Variants in SPAG6 observed in about 807,000 individuals in gnomAD.
The protein encoded by SPAG6 is sperm associated antigen 6.
SPAG6 carries 49 observed loss-of-function variants against 58.5 expected under a neutral mutation model. The observed-to-expected ratio is 0.84, with a 90% CI of 0.67 to 1.06. The LOEUF is 1.06. SPAG6 is among the 50% of genes least tolerant of loss of function. The pLI is 0.00. For missense variants in SPAG6, 560 were observed against 611.3 expected (o/e 0.92, Z 0.89); for synonymous variants, 233 against 225.6 (o/e 1.03, Z -0.29).
chr10:22,346,401 C>T (rs1413746141), intron 2 of SPAG6, among the ~76,000 whole-genome samples: 1 of 150,692 alleles, frequency 6.6e-6, no homozygotes, highest in Admixed American at 6.6e-5. Context: ...ATCTTCTTAT[C>T]TCATAACATA....
rs749314179 is a variant in SPAG6, at chr10:22,411,205, AT to A, written c.1460+30del. On this transcript the variant is annotated intron_variant, in intron 10 of 10. Coordinates refer to ENST00000376624, the MANE Select transcript of SPAG6 (RefSeq NM_012443.4). The stretch of plus-strand genomic sequence containing the variant: ...GGGAAAATGGACTTTGAAACGTTCA[AT>A]ATTAGAATGTAGTTTTTCTGTTTTC... 2.5e-5 allele frequency: 40 copies of A among 1,569,416 alleles called. No homozygotes were observed. In the South Asian group the frequency reaches 4.7e-4, roughly 19 times the overall value.
At position 22,386,975 on chromosome 10, in the gene SPAG6, G is replaced by A. The variant is rs766771467; in HGVS notation, c.678+16G>A. ...TAAATTGAAGGTATTTCAAAATAAGGTTGAAAAATACATCAGCCTTCTTAT... is the reference window on the plus strand; with the variant it reads ...TAAATTGAAGGTATTTCAAAATAAGATTGAAAAATACATCAGCCTTCTTAT... On this transcript the variant is annotated intron_variant, in intron 5 of 10. Transcript: ENST00000376624. 6 of 1,590,432 alleles carry A rather than the reference G, an allele frequency of 3.8e-6. No individual in the cohort carries two copies. Among genetic ancestry groups the A allele is most frequent in the Non-Finnish European group, 5.2e-6 (6 of 1,160,010 alleles).
chr10:22,346,474 T>TCTTCTTCTTCTG (rs1836545318), intron 2 of SPAG6, among the ~76,000 whole-genome samples: 1 of 141,526 alleles, frequency 7.1e-6, no homozygotes, highest in Admixed American at 6.8e-5. Context: ...TTCTTCTTCT[T>TCTTCTTCTTCTG]CTTCTTCTTC....
chr10:22,401,590 C>T (rs367697719), intron 9 of SPAG6, among the ~76,000 whole-genome samples: 1 of 152,032 alleles, frequency 6.6e-6, no homozygotes, highest in African/African-American at 2.4e-5. Flanking sequence ...TTTCATTTCA[C>T]TCACCTGGGA....
At chr10:22,355,259 T>G (rs1452503423) in intron 2 of SPAG6, among the ~76,000 whole-genome samples, 1 of 152,170 alleles carries the variant, frequency 6.6e-6, no homozygotes, top group Non-Finnish European at 1.5e-5. Flanking sequence ...TGGATTGTAA[T>G]GAGGGTTACA....
intron 9 of SPAG6, among the ~76,000 whole-genome samples, chr10:22,403,141 A>G (rs938657464): frequency 6.6e-6 from 1 of 151,794 alleles, no homozygotes; most frequent in South Asian, 2.1e-4. Context: ...TTTTAAATTT[A>G]TTATTATTAT....
intron 2 of SPAG6, among the ~76,000 whole-genome samples, chr10:22,346,437 T>TTCTTCTTCTTCC (rs1836536037): frequency 8.9e-6 from 1 of 112,378 alleles, no homozygotes; most frequent in African/African-American, 4.1e-5. Context: ...ATGGTTCTTC[T>TTCTTCTTCTTCC]TCTTCTTCTT....
At position 22,412,441 on chromosome 10, in the gene SPAG6, C is replaced by G. The variant is rs1834764005; in HGVS notation, c.1460+1265C>G. On this transcript the variant is annotated intron_variant, in intron 10 of 10. Transcript: ENST00000376624. Reference sequence around the variant, plus strand: ...TTGTTTTCTATCCACATATTTTTACCCAGTAAATTCTTTCCAGAGTTGCAA... The same window carrying G: ...TTGTTTTCTATCCACATATTTTTACGCAGTAAATTCTTTCCAGAGTTGCAA... 3 of 1,502,336 alleles carry G rather than the reference C, an allele frequency of 2.0e-6. No individual in the cohort carries two copies. The African/African-American group carries it at 4.2e-5, about 21-fold the overall frequency. 93.1% of individuals were successfully genotyped at this position (1,502,336 alleles called of 1,614,324 possible).
Position 22,345,856 on chromosome 10 carries a change from A to C in SPAG6, c.121+38A>C. On this transcript the variant is annotated intron_variant, in intron 2 of 10. Transcript: ENST00000376624. The surrounding 1 kb of genome is among the most constrained non-coding windows in gnomAD (Gnocchi z 6.3). ...CCCGAACCCCCGTCGCCCCCCGCGC[A>C]CTGAGTCCCCGACGCCTCCGCCCCG... is the stretch of plus-strand genomic sequence containing the variant. The C allele has an allele frequency of 6.3e-7, 1 of 1,595,210 alleles. No individual in the cohort carries two copies. The highest frequency in any genetic ancestry group is 2.4e-5 in the East Asian group (1 of 42,378).
At chr10:22,413,066 C>CAAAA (rs775680159) in intron 10 of SPAG6, 2,282 of 43,200 alleles carry the variant, frequency 0.053, 314 homozygotes, top group African/African-American at 0.18. Flanking sequence ...CAGAAAGATG[C>CAAAA]AAAAAAAAAA....
intron 9 of SPAG6, among the ~76,000 whole-genome samples, chr10:22,405,512 TTTGATGTGC>T (rs1834529561): frequency 6.7e-6 from 1 of 149,706 alleles, no homozygotes; most frequent in Non-Finnish European, 1.5e-5. Flanking sequence ...GGATAAGCTT[TTTGATGTGC>T]TGCTGGATTC....
chr10:22,361,599 G>A (rs1342912600), intron 2 of SPAG6, among the ~76,000 whole-genome samples: 3 of 152,142 alleles, frequency 2.0e-5, no homozygotes, highest in African/African-American at 4.8e-5. Context: ...AAATGGCTGA[G>A]GCAGAAGAAT....
Position 22,386,757 on chromosome 10 carries a change from T to C in SPAG6, c.476T>C (p.Leu159Pro), listed in dbSNP as rs200198393. The C allele has an allele frequency of 6.2e-7, 1 of 1,612,872 alleles. No homozygotes were observed. The highest frequency in any genetic ancestry group is 8.5e-7 in the Non-Finnish European group (1 of 1,178,956). ...LRYIARHNAE[L>P]SQAVVDAGAV... is the part of the protein sequence containing the mutation. ...ATTACTTTTCTTGGACCCACAGAAC[T>C]GTCACAAGCTGTGGTGGATGCAGGA... Residue 159 changes from leucine (L) to proline (P), a missense_variant, in exon 5 of 11, where the codon CTG becomes CCG. Leu to Pro is a moderately conservative substitution (Grantham distance 98, BLOSUM62 -3). Transcript: ENST00000376624.
rs1834125789 is a variant in SPAG6 at position 22,388,956 on chromosome 10, G to A, written c.853-204G>A. ...TCGATGCATGAAAAATTGAACCACA[G>A]AGTAAAGCTCCTCACAGTTTGTGCA... On this transcript the variant is annotated intron_variant, in intron 6 of 10. Coordinates refer to ENST00000376624, the MANE Select transcript of SPAG6 (RefSeq NM_012443.4). Among the ~76,000 whole-genome samples the A allele has an allele frequency of 2.0e-5, 3 of 152,140 alleles. No homozygotes were observed. In the South Asian group the frequency reaches 6.2e-4, roughly 31 times the overall value.
chr10:22,400,241 G>A (rs1363853417), intron 8 of SPAG6, among the ~76,000 whole-genome samples: 1 of 152,120 alleles, frequency 6.6e-6, no homozygotes, highest in African/African-American at 2.4e-5. Flanking sequence ...GAGAGAATAA[G>A]TGAAGAGAAA....
At chr10:22,381,987 AG>A (rs1833968252) in intron 4 of SPAG6, among the ~76,000 whole-genome samples, 1 of 152,220 alleles carries the variant, frequency 6.6e-6, no homozygotes, top group African/African-American at 2.4e-5. Flanking sequence ...GCCCTTCGTT[AG>A]GAAAAAACCA....
At chr10:22,388,704 T>C (rs1251125157) in intron 6 of SPAG6, among the ~76,000 whole-genome samples, 2 of 152,224 alleles carry the variant, frequency 1.3e-5, no homozygotes, top group Non-Finnish European at 2.9e-5. Flanking sequence ...CTTGAGATTT[T>C]TCAAAATTAA....
chr10:22,347,329 C>A lies in SPAG6; in HGVS notation c.121+1511C>A, dbSNP rs568883477. ...CCCGTACTCCTCCAAGTACCCAGAA[C>A]AATACTGGGCACACAGTATTTCATA... On this transcript the variant is annotated intron_variant, in intron 2 of 10. Transcript: ENST00000376624. Among the ~76,000 whole-genome samples, 7 of 152,272 alleles carry A rather than the reference C, an allele frequency of 4.6e-5. No homozygotes were observed. The South Asian group carries it at 1.5e-3, about 32-fold the overall frequency.
chr10:22,410,715 T>C (rs190990634), intron 9 of SPAG6, among the ~76,000 whole-genome samples: 7 of 152,362 alleles, frequency 4.6e-5, no homozygotes, highest in African/African-American at 1.7e-4. Context: ...TTGTGCCTTG[T>C]TAAGGAGCTT....
Sources: gnomAD v4.1 joint callset for allele counts (sites outside exome capture counted in the v4.1 genomes callset) on GRCh38, gnomAD v4.1.1 for gene constraint, Gnocchi (gnomAD v3.1) non-coding constraint, MANE v1.5 for transcripts, NCBI Gene and HGNC (gene_info 2026-07-23, HGNC 2026-07-21) for gene names.